Variants in RAB40B observed in about 807,000 individuals in gnomAD.
The protein encoded by RAB40B is RAB40B, member RAS oncogene family.
A neutral mutation model predicts 24.0 loss-of-function variants in RAB40B; 21 were observed. That is an observed-to-expected ratio of 0.88 (90% confidence interval 0.62 to 1.26). RAB40B has a LOEUF of 1.26. Ranked by LOEUF, RAB40B falls within the 50% of genes most tolerant of loss-of-function variation. RAB40B has a pLI of 0.00. For missense variants in RAB40B, 348 were observed against 390.5 expected (o/e 0.89, Z 0.92); for synonymous variants, 167 against 169.8 (o/e 0.98, Z 0.13).
chr17:82,666,708 G>A (rs1036857915), intron 1 of RAB40B, among the ~76,000 whole-genome samples: 11 of 152,216 alleles, frequency 7.2e-5, no homozygotes, highest in African/African-American at 2.6e-4. Flanking sequence ...TTGAGTTAAG[G>A]GGCTGGAGAA....
chr17:82,666,044 ACACCTGCCACCG>A (rs1432979755), intron 1 of RAB40B, among the ~76,000 whole-genome samples: 201 of 97,232 alleles, frequency 2.1e-3, no homozygotes, highest in Middle Eastern at 0.013. Flanking sequence ...ACCTGCCACC[ACACCTGCCACCG>A]CACCTGCCAC....
rs1282305888 is a variant in RAB40B, at chr17:82,658,089, G to A, written c.611C>T (p.Thr204Met). 1.2e-5 allele frequency: 19 copies of A among 1,614,082 alleles called. No individual in the cohort carries two copies. Among genetic ancestry groups the A allele is most frequent in the Admixed American group, 6.7e-5 (4 of 60,008 alleles). ...DLCCRAVVSC[T>M]PVHLVDKLPL... ...GAGCTTGTCCACCAGGTGCACCGGC[G>A]TGCAGGACACGACCGCCCGGCAGCA... is the stretch of plus-strand genomic sequence containing the variant. Residue 204 changes from threonine to methionine, a missense_variant, in exon 6 of 6, where the codon ACG becomes ATG. Thr to Met is a moderately conservative substitution (Grantham distance 81). Transcript: ENST00000571995.
At chr17:82,696,227 A>G (rs2143567026) in intron 1 of RAB40B, among the ~76,000 whole-genome samples, 1 of 152,234 alleles carries the variant, frequency 6.6e-6, no homozygotes, top group East Asian at 1.9e-4. Flanking sequence ...AGCCTTTATT[A>G]CAAAGCATTG....
intron 1 of RAB40B, among the ~76,000 whole-genome samples, chr17:82,686,245 G>A (rs1238847698): frequency 6.6e-6 from 1 of 151,576 alleles, no homozygotes; most frequent in Non-Finnish European, 1.5e-5. Flanking sequence ...CTAAGCAGCT[G>A]AGATAACAGG....
At chr17:82,694,505 C>G (rs1220431861) in intron 1 of RAB40B, among the ~76,000 whole-genome samples, 1 of 151,374 alleles carries the variant, frequency 6.6e-6, no homozygotes, top group Non-Finnish European at 1.5e-5. Flanking sequence ...GCACTCCAAC[C>G]TGGGCAACAG....
Position 82,659,610 on chromosome 17 carries a change from G to A in RAB40B, c.312C>T (p.Gly104=), listed in dbSNP as rs2046135216. 3 of 1,614,138 alleles carry A rather than the reference G, an allele frequency of 1.9e-6. No individual in the cohort carries two copies. The highest frequency in any genetic ancestry group is 2.5e-6 in the Non-Finnish European group (3 of 1,180,014). The change falls in exon 4 of 6, where the codon GGC becomes GGT. Residue 104 remains glycine (G), a synonymous_variant. Coordinates refer to ENST00000571995, the MANE Select transcript of RAB40B (RefSeq NM_006822.3). The stretch of plus-strand genomic sequence containing the variant: ...CGATCTCCTTAATCCATCGATCAAT[G>A]CCGTCAAAAGACCAGCGGTTCGCAA... ...YDIANRWSFD[G]IDRWIKEIDE...
rs116676628 is a variant in RAB40B at position 82,664,762 on chromosome 17, C to T, written c.143-206G>A. ...CACCCGGGCCCCTCCTGTCCTCAGCCGCCTTGGCCTCTGTGGGGGTCAGGC... is the reference window on the plus strand; with the variant it reads ...CACCCGGGCCCCTCCTGTCCTCAGCTGCCTTGGCCTCTGTGGGGGTCAGGC... On this transcript the variant is annotated intron_variant, in intron 1 of 5. Coordinates refer to ENST00000571995, the MANE Select transcript of RAB40B (RefSeq NM_006822.3). 1.5e-3 allele frequency: 830 copies of T among 544,346 alleles called. 11 individuals are homozygous for T. The highest frequency in any genetic ancestry group is 0.014 in the African/African-American group (720 of 52,096). 33.7% of individuals were successfully genotyped at this position (544,346 alleles called of 1,614,324 possible).
At position 82,657,471 on chromosome 17, in the gene RAB40B, CTAAAT is replaced by C. The variant is rs1424977275; in HGVS notation, c.*387_*391del. On this transcript the variant is annotated 3_prime_UTR_variant, in exon 6 of 6. Transcript: ENST00000571995. ...GACCCCTCTCGTAATATCAGTGACT[CTAAAT>C]TATCCCGCTGCCATTGCTTCTCAAA... 3.7e-5 allele frequency: 13 copies of C among 352,212 alleles called. No homozygotes were observed. The highest frequency in any genetic ancestry group is 2.8e-4 in the African/African-American group (13 of 46,868). 21.8% of individuals were successfully genotyped at this position (352,212 alleles called of 1,614,324 possible).
intron 1 of RAB40B, among the ~76,000 whole-genome samples, chr17:82,695,347 A>G (rs2046598688): frequency 6.6e-6 from 1 of 151,036 alleles, no homozygotes. Flanking sequence ...ACGCGGCACC[A>G]CGCCCAGCTA....
chr17:82,658,426 G>A, intron 5 of RAB40B, 65 bp downstream of exon 5: 1 of 1,550,364 alleles, frequency 6.5e-7, no homozygotes, highest in Non-Finnish European at 8.9e-7. Flanking sequence ...CTTATCCAGG[G>A]GGCCGCTGAC....
intron 1 of RAB40B, among the ~76,000 whole-genome samples, chr17:82,687,551 A>G (rs2046514754): frequency 6.6e-6 from 1 of 152,214 alleles, no homozygotes; most frequent in Admixed American, 6.5e-5. Flanking sequence ...CACATAAAGT[A>G]AAAACAGCCT....
Position 82,668,842 on chromosome 17 carries a change from C to T in RAB40B, c.143-4286G>A, listed in dbSNP as rs1337384248. 2.0e-5 allele frequency among the ~76,000 whole-genome samples: 3 copies of T among 152,224 alleles called. No individual in the cohort carries two copies. The East Asian group carries it at 5.8e-4, about 29-fold the overall frequency. ...GCTGCCTGATCCGTGGATCGAGAGGCCCAGCCATGCCTCCGCTGCAGCCGG... is the reference window on the plus strand; with the variant it reads ...GCTGCCTGATCCGTGGATCGAGAGGTCCAGCCATGCCTCCGCTGCAGCCGG... On this transcript the variant is annotated intron_variant, in intron 1 of 5. Transcript: ENST00000571995.
At chr17:82,674,662 A>C (rs2046378959) in intron 1 of RAB40B, among the ~76,000 whole-genome samples, 1 of 151,350 alleles carries the variant, frequency 6.6e-6, no homozygotes. Flanking sequence ...AGAAAAGAAA[A>C]GAAAAGAAAA....
At chr17:82,695,114 G>A (rs1158034025) in intron 1 of RAB40B, among the ~76,000 whole-genome samples, 2 of 151,712 alleles carry the variant, frequency 1.3e-5, no homozygotes, top group African/African-American at 4.9e-5. Flanking sequence ...AACAGCCTGG[G>A]CTACAAAACT....
chr17:82,660,871 A>G (rs1369980163), intron 3 of RAB40B, 116 bp downstream of exon 3: 8 of 1,310,452 alleles, frequency 6.1e-6, no homozygotes, highest in Non-Finnish European at 7.4e-6. Context: ...ACCAATTTAT[A>G]CGTAAGCTTA....
chr17:82,697,943 C>T lies in RAB40B; in HGVS notation c.142+512G>A, dbSNP rs1233174063. Among the ~76,000 whole-genome samples, 2 of 152,250 alleles carry T rather than the reference C, an allele frequency of 1.3e-5. No individual in the cohort carries two copies. The highest frequency in any genetic ancestry group is 3.9e-4 in the East Asian group (2 of 5,152). On this transcript the variant is annotated intron_variant, in intron 1 of 5. Coordinates refer to ENST00000571995, the MANE Select transcript of RAB40B (RefSeq NM_006822.3). This position sits in a 1 kb window ranked among gnomAD's most constrained non-coding sequence, Gnocchi z 4.9. ...CCGGACCCTGGTCTCCCCTCCCCTC[C>T]GACCCACGCGCAGACCCAGCACCTG...
chr17:82,655,432 C>T lies in RAB40B; in HGVS notation c.*2431G>A, dbSNP rs576746922. Reference sequence around the variant, plus strand: ...CTTTCTAGGACATTATCAGTAGTCCCGAGGAGACATCAATTACAAAACAAG... The same window carrying T: ...CTTTCTAGGACATTATCAGTAGTCCTGAGGAGACATCAATTACAAAACAAG... On this transcript the variant is annotated 3_prime_UTR_variant, in exon 6 of 6. Transcript: ENST00000571995. 2.0e-5 allele frequency: 3 copies of T among 152,188 alleles called. No individual in the cohort carries two copies. Among genetic ancestry groups the T allele is most frequent in the South Asian group, 4.2e-4 (2 of 4,806 alleles). The allele number at this position is 152,188 out of a possible 1,614,324, so 9.4% of individuals were successfully genotyped here. A position where few individuals can be genotyped will look rare whatever the true frequency, so the allele number is the denominator to read the frequency against.
At chr17:82,676,153 A>T (rs1426022997) in intron 1 of RAB40B, among the ~76,000 whole-genome samples, 1 of 152,086 alleles carries the variant, frequency 6.6e-6, no homozygotes, top group Non-Finnish European at 1.5e-5. Context: ...GCTCCTCAAA[A>T]TGTGTGCACC....
intron 1 of RAB40B, chr17:82,696,628 G>A (rs1165435393): frequency 2.9e-5 from 3 of 104,798 alleles, no homozygotes; most frequent in Non-Finnish European, 5.8e-5. Flanking sequence ...TCCTCCAGGC[G>A]CTCAATCTCC....
Sources: allele counts gnomAD v4.1 joint callset (sites outside exome capture counted in the v4.1 genomes callset), GRCh38; gene constraint gnomAD v4.1.1; non-coding constraint Gnocchi (gnomAD v3.1); transcripts MANE v1.5; gene names NCBI Gene and HGNC (gene_info 2026-07-23, HGNC 2026-07-21).